LRRTM3: variants seen among roughly 807,000 people sequenced by gnomAD.
LRRTM3 encodes leucine rich repeat transmembrane neuronal 3.
In LRRTM3, 24 loss-of-function variants were observed where a neutral mutation model predicts 44.7. The observed-to-expected ratio is 0.54, with a 90% CI of 0.39 to 0.76. The LOEUF (loss-of-function observed/expected upper bound fraction) is 0.76, where lower values mean the gene tolerates loss of function less well. LRRTM3 is among the 30% of genes least tolerant of loss of function. The pLI is 0.00. For synonymous variants in LRRTM3, 277 were observed against 278.7 expected (o/e 0.99, Z 0.06); for missense variants, 587 against 702.2 (o/e 0.84, Z 1.85).
At chr10:67,093,012 A>G (rs1411385105) in intron 2 of LRRTM3, among the ~76,000 whole-genome samples, 3 of 152,056 alleles carry the variant, frequency 2.0e-5, no homozygotes, top group Non-Finnish European at 4.4e-5. Flanking sequence ...AATCTCCACA[A>G]TTCATAGCCT....
intron 2 of LRRTM3, among the ~76,000 whole-genome samples, chr10:67,050,910 A>T (rs1855049936): frequency 6.6e-6 from 1 of 152,216 alleles, no homozygotes; most frequent in African/African-American, 2.4e-5. Flanking sequence ...TTTATTTGCC[A>T]TGGTGACAGC....
At chr10:66,992,404 C>T (rs536868970) in intron 2 of LRRTM3, among the ~76,000 whole-genome samples, 16 of 152,138 alleles carry the variant, frequency 1.1e-4, no homozygotes, top group Non-Finnish European at 1.8e-4. Flanking sequence ...TCTTCCTCCT[C>T]CTCCTCCTCC....
chr10:66,991,614 T>C (rs752706712), intron 2 of LRRTM3, among the ~76,000 whole-genome samples: 3 of 152,120 alleles, frequency 2.0e-5, no homozygotes, highest in Admixed American at 6.5e-5. Flanking sequence ...TGCAATGGCG[T>C]GATCTTGGCT....
At chr10:67,076,209 T>C (rs1856740110) in intron 2 of LRRTM3, among the ~76,000 whole-genome samples, 1 of 152,222 alleles carries the variant, frequency 6.6e-6, no homozygotes, top group Admixed American at 6.5e-5. Flanking sequence ...GCACTTAAAA[T>C]AACTGCACTC....
chr10:67,097,675 A>C lies in LRRTM3; in HGVS notation c.1625A>C (p.His542Pro). Reference protein sequence around the residue: ...YCGVHHELLSHKSFETNAQED... With the variant: ...YCGVHHELLSPKSFETNAQED... Reference sequence around the variant, plus strand: ...GGGGTGCATCATGAACTTCTCTCCCATAAGTCCTTTGAAACGAATGCACAG... The same window carrying C: ...GGGGTGCATCATGAACTTCTCTCCCCTAAGTCCTTTGAAACGAATGCACAG... Residue 542 changes from histidine (H) to proline (P), a missense_variant, in exon 3 of 3, where the codon CAT becomes CCT. Transcript: ENST00000361320. 6.2e-7 allele frequency: 1 copy of C among 1,612,780 alleles called. No individual in the cohort carries two copies.
intron 2 of LRRTM3, among the ~76,000 whole-genome samples, chr10:67,038,152 T>C (rs562998435): frequency 3.1e-4 from 47 of 152,232 alleles, no homozygotes; most frequent in African/African-American, 1.1e-3. Flanking sequence ...CAAGTTATTA[T>C]ATTTATAAAG....
intron 2 of LRRTM3, among the ~76,000 whole-genome samples, chr10:66,930,647 A>C (rs971149876): frequency 1.3e-5 from 2 of 152,188 alleles, no homozygotes; most frequent in Admixed American, 6.5e-5. Flanking sequence ...TCTCAATGCC[A>C]TGGTGCTACT....
intron 2 of LRRTM3, among the ~76,000 whole-genome samples, chr10:67,043,099 C>G (rs1854505683): frequency 6.7e-6 from 1 of 149,392 alleles, no homozygotes; most frequent in Admixed American, 6.7e-5. Flanking sequence ...AGGGCTAGCT[C>G]TTGGGAGATT....
At chr10:66,993,565 AT>A (rs2132945005) in intron 2 of LRRTM3, among the ~76,000 whole-genome samples, 1 of 152,104 alleles carries the variant, frequency 6.6e-6, no homozygotes, top group African/African-American at 2.4e-5. Context: ...GAATCTATAA[AT>A]TTTAGAATTA....
chr10:67,053,320 G>A (rs528382668), intron 2 of LRRTM3, among the ~76,000 whole-genome samples: 1 of 152,036 alleles, frequency 6.6e-6, no homozygotes, highest in Admixed American at 6.5e-5. Context: ...GGACATTACT[G>A]GAAAAATCTG....
At chr10:67,073,841 T>G (rs1856592616) in intron 2 of LRRTM3, among the ~76,000 whole-genome samples, 1 of 152,170 alleles carries the variant, frequency 6.6e-6, no homozygotes, top group South Asian at 2.1e-4. Context: ...TGTTTCACAA[T>G]TACCTGAATT....
intron 2 of LRRTM3, among the ~76,000 whole-genome samples, chr10:67,003,261 C>T (rs1851785027): frequency 6.6e-6 from 1 of 152,178 alleles, no homozygotes; most frequent in Non-Finnish European, 1.5e-5. Flanking sequence ...ATGTCCATGA[C>T]TTCCTGACCA....
intron 2 of LRRTM3, among the ~76,000 whole-genome samples, chr10:67,001,307 A>G (rs901495268): frequency 1.3e-5 from 2 of 150,996 alleles, no homozygotes; most frequent in African/African-American, 2.4e-5. Flanking sequence ...CTAAAAAAAA[A>G]AAAAAGAAAA....
intron 2 of LRRTM3, among the ~76,000 whole-genome samples, chr10:66,974,548 T>C (rs961479559): frequency 6.6e-6 from 1 of 152,236 alleles, no homozygotes; most frequent in Non-Finnish European, 1.5e-5. Context: ...GTTCGTAGTG[T>C]AAGTGAATGC....
intron 2 of LRRTM3, among the ~76,000 whole-genome samples, chr10:66,947,157 C>T (rs1228242983): frequency 2.0e-5 from 3 of 152,102 alleles, no homozygotes; most frequent in African/African-American, 7.2e-5. Context: ...CTTGCATAAA[C>T]TACTTTACAC....
At chr10:66,997,883 T>C (rs1050872758) in intron 2 of LRRTM3, among the ~76,000 whole-genome samples, 2 of 152,148 alleles carry the variant, frequency 1.3e-5, no homozygotes, top group African/African-American at 2.4e-5. Flanking sequence ...ACACTCCTAA[T>C]TGGTGATTAA....
At chr10:66,931,982 T>A (rs1564775751) in intron 2 of LRRTM3, among the ~76,000 whole-genome samples, 1 of 152,302 alleles carries the variant, frequency 6.6e-6, no homozygotes, top group East Asian at 1.9e-4. Context: ...AGAGTCAGCA[T>A]CAGTCATTTA....
intron 2 of LRRTM3, among the ~76,000 whole-genome samples, chr10:67,033,190 T>C (rs1233541254): frequency 6.6e-6 from 1 of 152,218 alleles, no homozygotes; most frequent in Non-Finnish European, 1.5e-5. Context: ...TCAAGTCCTC[T>C]TGAATTTTGA....
intron 2 of LRRTM3, among the ~76,000 whole-genome samples, chr10:66,993,071 G>A (rs1851128381): frequency 6.6e-6 from 1 of 152,072 alleles, no homozygotes; most frequent in African/African-American, 2.4e-5. Flanking sequence ...CGTTTCCCAT[G>A]GTATCAGCCC....
Sources: gnomAD v4.1 joint callset for allele counts (sites outside exome capture counted in the v4.1 genomes callset) on GRCh38, gnomAD v4.1.1 for gene constraint, MANE v1.5 for transcripts, NCBI Gene and HGNC (gene_info 2026-07-23, HGNC 2026-07-21) for gene names.